TYW1: variants seen among roughly 807,000 people sequenced by gnomAD.
TYW1 encodes S-adenosyl-L-methionine-dependent tRNA 4-demethylwyosine synthase TYW1.
TYW1 carries 46 observed loss-of-function variants against 96.2 expected under a neutral mutation model. The ratio of observed to expected loss-of-function variants is 0.48; its 90% CI spans 0.38 to 0.61. TYW1 has a LOEUF of 0.61. Among genes scored for constraint, TYW1 ranks in the 20% least tolerant of loss-of-function variants. The pLI, the probability that TYW1 is intolerant of heterozygous loss-of-function variation, is 0.00. For missense variants in TYW1, 684 were observed against 909.6 expected (o/e 0.75, Z 3.19); for synonymous variants, 274 against 323.0 (o/e 0.85, Z 1.63).
At chr7:67,035,039 T>A (rs182355989) in intron 7 of TYW1, among the ~76,000 whole-genome samples, 1 of 152,298 alleles carries the variant, frequency 6.6e-6, no homozygotes, top group East Asian at 1.9e-4. Context: ...ATTTTTAAAA[T>A]TTTGAGTGAG....
chr7:67,187,027 T>C (rs1800046530), intron 14 of TYW1, among the ~76,000 whole-genome samples: 1 of 151,378 alleles, frequency 6.6e-6, no homozygotes, highest in African/African-American at 2.4e-5. Flanking sequence ...TGAAAACTCT[T>C]GGAGAAATGT....
intron 6 of TYW1, among the ~76,000 whole-genome samples, chr7:67,019,304 T>TGAAGCCATCAGAGGGGAG (rs1584469899): frequency 2.0e-5 from 3 of 150,696 alleles, no homozygotes; most frequent in African/African-American, 2.4e-5. Flanking sequence ...AGCTCCCATC[T>TGAAGCCATCAGAGGGGAG]CCTGCCTCAG....
At chr7:67,202,477 A>C (rs749368173) in intron 15 of TYW1, among the ~76,000 whole-genome samples, 1 of 151,974 alleles carries the variant, frequency 6.6e-6, no homozygotes, top group Non-Finnish European at 1.5e-5. Context: ...GCTCATTGCA[A>C]CCTCAACCTC....
rs1257640421 is a variant in TYW1 at position 67,083,642 on chromosome 7, A to G, written c.1384+103A>G. The G allele has an allele frequency of 1.2e-5, 15 of 1,284,736 alleles. No homozygotes were observed. The East Asian group carries it at 3.8e-4, about 32-fold the overall frequency. 79.6% of individuals were successfully genotyped at this position (1,284,736 alleles called of 1,614,324 possible). On this transcript the variant is annotated intron_variant, in intron 11 of 15. Coordinates refer to ENST00000359626, the MANE Select transcript of TYW1 (RefSeq NM_018264.4). ...TGGTAGGATTTTGTCCCCACTGGCA[A>G]ATTTTCCTCTAAGGAAGTGAAAACT...
Position 67,239,334 on chromosome 7 carries a change from G to A in TYW1, c.*805G>A, listed in dbSNP as rs572572473. The A allele has an allele frequency of 6.1e-6, 6 of 985,312 alleles. No homozygotes were observed. Among genetic ancestry groups the A allele is most frequent in the Admixed American group, 6.1e-5 (1 of 16,278 alleles). 61.0% of individuals were successfully genotyped at this position (985,312 alleles called of 1,614,324 possible). A position where few individuals can be genotyped will look rare whatever the true frequency, so the allele number is the denominator to read the frequency against. Reference sequence around the variant, plus strand: ...CAGGCCTCTCATATCATGACCAGACGGCGGGTCTCCATCTTCTTTCACTCC... The same window carrying A: ...CAGGCCTCTCATATCATGACCAGACAGCGGGTCTCCATCTTCTTTCACTCC... On this transcript the variant is annotated 3_prime_UTR_variant, in exon 16 of 16. Transcript: ENST00000359626.
At chr7:67,011,283 T>G (rs1006419310) in intron 4 of TYW1, among the ~76,000 whole-genome samples, 8 of 151,866 alleles carry the variant, frequency 5.3e-5, no homozygotes, top group African/African-American at 1.7e-4. Flanking sequence ...GGTGATTTAT[T>G]TGCCTCGGCC....
chr7:67,032,405 G>A (rs1176411543), intron 7 of TYW1, among the ~76,000 whole-genome samples: 5 of 152,068 alleles, frequency 3.3e-5, no homozygotes, highest in South Asian at 2.1e-4. Flanking sequence ...GATCACTTAA[G>A]CCCAGGAGTT....
At chr7:67,139,717 C>T (rs1313966569) in intron 13 of TYW1, among the ~76,000 whole-genome samples, 1 of 140,342 alleles carries the variant, frequency 7.1e-6, no homozygotes, top group East Asian at 2.2e-4. Context: ...TATTACATAC[C>T]TGTGTATACA....
chr7:67,093,772 C>A (rs956314642), intron 11 of TYW1, among the ~76,000 whole-genome samples: 1 of 152,052 alleles, frequency 6.6e-6, no homozygotes, highest in African/African-American at 2.4e-5. Context: ...GAAGACATCA[C>A]CTGTCATGCT....
Position 67,098,547 on chromosome 7 carries a change from C to G in TYW1, c.1391C>G (p.Pro464Arg). 1.3e-6 allele frequency: 2 copies of G among 1,577,842 alleles called. No homozygotes were observed. The highest frequency in any genetic ancestry group is 1.7e-6 in the Non-Finnish European group (2 of 1,157,994). ...TTCTCACTGTATTCTCCAGGAGTAC[C>G]GGGCGTCAAAGCAGAACGCTTTGAA... ...QNMIKQFKGV[P>R]GVKAERFEEG... The change falls in exon 12 of 16, where the codon CCG becomes CGG. Residue 464 changes from proline to arginine, a missense_variant. Physicochemically the swap from Pro to Arg is moderately radical, Grantham distance 103. Coordinates refer to ENST00000359626, the MANE Select transcript of TYW1 (RefSeq NM_018264.4).
intron 7 of TYW1, among the ~76,000 whole-genome samples, chr7:67,030,278 ATTAC>A (rs899759195): frequency 7.9e-5 from 12 of 152,092 alleles, no homozygotes; most frequent in African/African-American, 2.9e-4. Context: ...TCCTGAATCT[ATTAC>A]TTAGGAAATG....
chr7:67,078,091 T>TTTTTTG (rs1796260723), intron 10 of TYW1, among the ~76,000 whole-genome samples: 1 of 151,950 alleles, frequency 6.6e-6, no homozygotes, highest in Non-Finnish European at 1.5e-5. Flanking sequence ...TTATTTTTTG[T>TTTTTTG]TTTTTGTTTT....
At chr7:67,111,093 G>A (rs913939936) in intron 12 of TYW1, among the ~76,000 whole-genome samples, 1 of 152,146 alleles carries the variant, frequency 6.6e-6, no homozygotes, top group Non-Finnish European at 1.5e-5. Context: ...CACATGAAAG[G>A]AAACAGAATA....
intron 6 of TYW1, among the ~76,000 whole-genome samples, chr7:67,023,875 G>A (rs559074132): frequency 3.1e-4 from 47 of 152,310 alleles, no homozygotes; most frequent in Non-Finnish European, 5.3e-4. Context: ...CGTATTAGCT[G>A]TGATTTCTTA....
intron 13 of TYW1, among the ~76,000 whole-genome samples, chr7:67,152,703 G>T (rs1171654488): frequency 6.6e-6 from 1 of 152,166 alleles, no homozygotes; most frequent in African/African-American, 2.4e-5. Flanking sequence ...CCGGGTTCAA[G>T]TGATTCTCCT....
At chr7:67,132,233 C>G (rs998003511) in intron 13 of TYW1, among the ~76,000 whole-genome samples, 7 of 150,696 alleles carry the variant, frequency 4.6e-5, no homozygotes, top group Admixed American at 2.6e-4. Flanking sequence ...ACTTCAGCCT[C>G]CCAAGTAGCT....
chr7:67,069,072 C>CT (rs201498944), intron 10 of TYW1, among the ~76,000 whole-genome samples: 31 of 151,472 alleles, frequency 2.0e-4, no homozygotes, highest in Admixed American at 1.2e-3. Context: ...AGTTATAATT[C>CT]TTTTTTTTTC....
intron 13 of TYW1, among the ~76,000 whole-genome samples, chr7:67,129,049 A>G (rs2116042929): frequency 6.6e-6 from 1 of 152,094 alleles, no homozygotes; most frequent in Middle Eastern, 3.4e-3. Flanking sequence ...AATACTTCTC[A>G]GTTTTTTCTT....
intron 12 of TYW1, among the ~76,000 whole-genome samples, chr7:67,109,137 A>G (rs1797325750): frequency 6.6e-6 from 1 of 151,710 alleles, no homozygotes; most frequent in Admixed American, 6.6e-5. Flanking sequence ...AGCCGGGCGC[A>G]GTGGCGGGCA....
Sources: allele counts gnomAD v4.1 joint callset (sites outside exome capture counted in the v4.1 genomes callset), GRCh38; gene constraint gnomAD v4.1.1; transcripts MANE v1.5; gene names NCBI Gene and HGNC (gene_info 2026-07-23, HGNC 2026-07-21).